The following CEP112 variants were observed in gnomAD, a reference collection of about 807,000 sequenced individuals.
CEP112 encodes the protein centrosomal protein 112.
In CEP112, 127 loss-of-function variants were observed where a neutral mutation model predicts 153.0. That is an observed-to-expected ratio of 0.83 (90% CI 0.72 to 0.96). The LOEUF is 0.96. CEP112 is among the 40% of genes least tolerant of loss of function. The probability of loss-of-function intolerance (pLI) is 0.00; values close to 1 mark genes in which losing one functional copy is unlikely to be tolerated. For missense variants in CEP112, 1,089 were observed against 1,101.2 expected (o/e 0.99, Z 0.16); for synonymous variants, 358 against 374.4 (o/e 0.96, Z 0.51).
In CEP112 at chr17:65,816,536, C is replaced by T. The variant is rs569618113; in HGVS notation, c.2394+35268G>A. ...TTGAATAGGTGTTAAACTTTTAATG[C>T]TTTTTCTACATCTACTGATATAATA... On this transcript the variant is annotated intron_variant, in intron 21 of 26. Coordinates refer to ENST00000535342, the MANE Select transcript of CEP112 (RefSeq NM_001199165.4). 1.1e-3 allele frequency among the ~76,000 whole-genome samples: 162 copies of T among 151,982 alleles called. 1 individual carries two copies. The South Asian group carries it at 0.018, about 17-fold the overall frequency.
chr17:66,096,754 C>T, intron 6 of CEP112, 122 bp from the exon 7 acceptor site: 1 of 677,976 alleles, frequency 1.5e-6, no homozygotes, highest in Middle Eastern at 4.1e-4. Flanking sequence ...ATATTTAATT[C>T]ATTTTTAGAA....
intron 24 of CEP112, among the ~76,000 whole-genome samples, chr17:65,674,535 C>T (rs2047136205): frequency 6.6e-6 from 1 of 152,202 alleles, no homozygotes; most frequent in Non-Finnish European, 1.5e-5. Flanking sequence ...CCAGGGCTCA[C>T]TCAGGAGGAG....
In CEP112 at chr17:66,029,995, C is replaced by T. The variant is rs369403378; in HGVS notation, c.1247G>A (p.Arg416His). The T allele has an allele frequency of 4.2e-5, 67 of 1,613,426 alleles. No individual in the cohort carries two copies. The Middle Eastern group carries it at 6.6e-4, about 16-fold the overall frequency. ...TNHMIKELEA[R>H]VQQLTGEAEN... Reference sequence around the variant, plus strand: ...TGCTTCTCCAGTCAGCTGCTGGACACGGGCCTCCAGTTCTTTGATCATGTG... The same window carrying T: ...TGCTTCTCCAGTCAGCTGCTGGACATGGGCCTCCAGTTCTTTGATCATGTG... The change falls in exon 13 of 27, where the codon CGT becomes CAT. Residue 416 changes from arginine (R) to histidine (H), a missense_variant. Physicochemically the swap from Arg to His is conservative, Grantham distance 29 (BLOSUM62 0). Transcript: ENST00000535342.
chr17:65,713,314 C>G (rs1220492088), intron 23 of CEP112, among the ~76,000 whole-genome samples: 2 of 152,228 alleles, frequency 1.3e-5, no homozygotes. Context: ...TTCTGGGGAA[C>G]AGCAAATCCA....
At chr17:66,011,978 CTTCT>C (rs1325663047) in intron 16 of CEP112, among the ~76,000 whole-genome samples, 2 of 152,082 alleles carry the variant, frequency 1.3e-5, no homozygotes, top group Non-Finnish European at 2.9e-5. Context: ...ATGCAATGTC[CTTCT>C]TTGTCTTTTT....
intron 18 of CEP112, among the ~76,000 whole-genome samples, chr17:65,941,951 C>T (rs1473864524): frequency 6.6e-6 from 1 of 152,022 alleles, no homozygotes; most frequent in East Asian, 1.9e-4. Context: ...CCACACCTGG[C>T]TTGAAGTGTA....
rs945422804 is a variant in CEP112 at position 65,861,955 on chromosome 17, G to A, written c.2164-9921C>T. ...ATTTGTACCATAACTCAACTTGTCC[G>A]TCATAGTTGTCATTGATTTATCTTG... On this transcript the variant is annotated intron_variant, in intron 20 of 26. Coordinates refer to ENST00000535342, the MANE Select transcript of CEP112 (RefSeq NM_001199165.4). 1.1e-4 allele frequency among the ~76,000 whole-genome samples: 17 copies of A among 152,252 alleles called. 1 individual carries two copies. Among genetic ancestry groups the A allele is most frequent in the South Asian group, 4.2e-4 (2 of 4,816 alleles).
rs1037893797 is a variant in CEP112, at chr17:65,937,405, T to A, written c.1873-9716A>T. Among the ~76,000 whole-genome samples the A allele has an allele frequency of 3.6e-5, 4 of 109,942 alleles. 1 individual carries two copies. The South Asian group carries it at 1.9e-3, about 51-fold the overall frequency. 72.1% of individuals were successfully genotyped at this position (109,942 alleles called of 152,430 possible). A position where few individuals can be genotyped will look rare whatever the true frequency, so the allele number is the denominator to read the frequency against. On this transcript the variant is annotated intron_variant, in intron 18 of 26. Coordinates refer to ENST00000535342, the MANE Select transcript of CEP112 (RefSeq NM_001199165.4). ...CTGCCCGGCTGCCCATCGTCTGAGA[T>A]GTGGGGAGCGCCTCTGCCCCACCGC... is the stretch of plus-strand genomic sequence containing the variant.
intron 21 of CEP112, among the ~76,000 whole-genome samples, chr17:65,780,022 T>G (rs2053909944): frequency 6.6e-6 from 1 of 152,120 alleles, no homozygotes; most frequent in Non-Finnish European, 1.5e-5. Flanking sequence ...TTGGTCCTAT[T>G]TCTGAATATG....
At position 65,928,294 on chromosome 17, in the gene CEP112, C is replaced by T. The variant is rs943131238; in HGVS notation, c.1873-605G>A. Among the ~76,000 whole-genome samples, 4 of 152,128 alleles carry T rather than the reference C, an allele frequency of 2.6e-5. No individual in the cohort carries two copies. In the East Asian group the frequency reaches 5.8e-4, roughly 22 times the overall value. On this transcript the variant is annotated intron_variant, in intron 18 of 26. Transcript: ENST00000535342. ...AAATAGTAACAAGTATTGGTAAAGA[C>T]GTAGAGAAGTCAGAACCTTCAACAC...
intron 23 of CEP112, among the ~76,000 whole-genome samples, chr17:65,712,203 T>C (rs232159): frequency 0.39 from 58,595 of 151,966 alleles, 11,653 homozygotes; most frequent in Middle Eastern, 0.49. Context: ...GAATGCCCAC[T>C]GTGCTCAACA....
intron 21 of CEP112, among the ~76,000 whole-genome samples, chr17:65,835,089 G>A (rs2057248205): frequency 6.6e-6 from 1 of 151,026 alleles, no homozygotes; most frequent in Admixed American, 6.6e-5. Flanking sequence ...AACTAACACA[G>A]GAACAGAAAA....
At chr17:65,858,256 GAA>G in intron 20 of CEP112, among the ~76,000 whole-genome samples, 1 of 152,120 alleles carries the variant, frequency 6.6e-6, no homozygotes, top group East Asian at 1.9e-4. Context: ...CGCTTCTCTG[GAA>G]AAGTTTGTAA....
At chr17:66,140,428 G>A (rs1427882981) in intron 4 of CEP112, among the ~76,000 whole-genome samples, 2 of 152,164 alleles carry the variant, frequency 1.3e-5, no homozygotes, top group African/African-American at 2.4e-5. Flanking sequence ...AGCCAGAGTA[G>A]TCAGGCAAGA....
chr17:66,021,165 C>T (rs1380004107), intron 16 of CEP112, among the ~76,000 whole-genome samples: 1 of 152,114 alleles, frequency 6.6e-6, no homozygotes, highest in African/African-American at 2.4e-5. Flanking sequence ...GTACCCCAGG[C>T]ATTGTCCCAG....
chr17:65,997,685 T>C (rs1415090786), intron 17 of CEP112, among the ~76,000 whole-genome samples: 4 of 152,290 alleles, frequency 2.6e-5, no homozygotes, highest in South Asian at 2.1e-4. Context: ...TATTGGTTTG[T>C]CTTTATTATT....
At chr17:65,871,177 T>A (rs1417710669) in intron 20 of CEP112, among the ~76,000 whole-genome samples, 6 of 152,146 alleles carry the variant, frequency 3.9e-5, no homozygotes, top group Non-Finnish European at 7.4e-5. Flanking sequence ...TTTTTAACAA[T>A]GAGATGAAAG....
At chr17:66,147,593 C>A (rs1291369332) in intron 4 of CEP112, among the ~76,000 whole-genome samples, 2 of 152,052 alleles carry the variant, frequency 1.3e-5, no homozygotes, top group Admixed American at 1.3e-4. Context: ...ACTGCCAAGA[C>A]CAATGTCATA....
intron 23 of CEP112, among the ~76,000 whole-genome samples, chr17:65,711,897 C>T (rs1026111712): frequency 2.6e-5 from 4 of 152,190 alleles, no homozygotes; most frequent in Non-Finnish European, 5.9e-5. Context: ...ATAACTCCCC[C>T]GACACTTTGC....
Sources: allele counts gnomAD v4.1 joint callset (sites outside exome capture counted in the v4.1 genomes callset), GRCh38; gene constraint gnomAD v4.1.1; transcripts MANE v1.5; gene names NCBI Gene and HGNC (gene_info 2026-07-23, HGNC 2026-07-21).